Variants in COL25A1 observed in about 807,000 individuals in gnomAD.
The protein encoded by COL25A1 is collagen type XXV alpha 1 chain.
COL25A1 carries 103 observed loss-of-function variants against 128.4 expected under a neutral mutation model. The observed-to-expected ratio is 0.80, with a 90% CI of 0.68 to 0.94. COL25A1 has a LOEUF of 0.94. COL25A1 is among the 40% of genes least tolerant of loss of function. The pLI is 0.00. For missense variants in COL25A1, 745 were observed against 840.0 expected, an observed-to-expected ratio of 0.89 and a Z score of 1.40; for synonymous variants, 279 against 277.2, an observed-to-expected ratio of 1.01 and a Z score of -0.06.
intron 5 of COL25A1, among the ~76,000 whole-genome samples, chr4:109,042,318 A>ATATTCT (rs1291294940): frequency 6.6e-6 from 1 of 152,154 alleles, no homozygotes; most frequent in Non-Finnish European, 1.5e-5. Flanking sequence ...ATTCATAGTC[A>ATATTCT]TATTCTTTTT....
rs1444214391 is a variant in COL25A1, at chr4:108,852,794, A to C, written c.1344+108T>G. The C allele has an allele frequency of 4.9e-6, 4 of 815,222 alleles. No homozygotes were observed. The African/African-American group carries it at 7.0e-5, about 14-fold the overall frequency. 50.5% of individuals were successfully genotyped at this position (815,222 alleles called of 1,614,324 possible). On this transcript the variant is annotated intron_variant, in intron 25 of 37. Transcript: ENST00000399132. ...AGATTATTAATACAAGAAAACATAAAATTAAGTATCAGATAAAAACAATAG... is the reference window on the plus strand; with the variant it reads ...AGATTATTAATACAAGAAAACATAACATTAAGTATCAGATAAAAACAATAG...
chr4:109,186,918 T>A (rs1261637071), intron 3 of COL25A1, among the ~76,000 whole-genome samples: 1 of 152,164 alleles, frequency 6.6e-6, no homozygotes, highest in Non-Finnish European at 1.5e-5. Flanking sequence ...TTCATCTAAC[T>A]CACAAATTCA....
chr4:108,950,389 C>T (rs10030339), intron 8 of COL25A1, among the ~76,000 whole-genome samples: 6,596 of 152,108 alleles, frequency 0.043, 370 homozygotes, highest in African/African-American at 0.13. Context: ...TTGCAAAGGA[C>T]TCCCCTGCCT....
At chr4:109,026,344 A>T (rs932101148) in intron 5 of COL25A1, among the ~76,000 whole-genome samples, 9 of 152,196 alleles carry the variant, frequency 5.9e-5, no homozygotes, top group African/African-American at 2.2e-4. Context: ...AATTTCAAGA[A>T]GGCAAATTGA....
chr4:109,098,762 C>A (rs1765628901), intron 3 of COL25A1, among the ~76,000 whole-genome samples: 1 of 152,206 alleles, frequency 6.6e-6, no homozygotes, highest in Non-Finnish European at 1.5e-5. Context: ...AACAAAATGA[C>A]CCCTATTCCC....
intron 3 of COL25A1, among the ~76,000 whole-genome samples, chr4:109,110,431 A>G (rs897287848): frequency 5.9e-5 from 9 of 152,118 alleles, no homozygotes; most frequent in Admixed American, 4.6e-4. Context: ...CTCAAAGCTC[A>G]TGTCCTTTAC....
chr4:108,881,038 G>A (rs1323913845), intron 19 of COL25A1, among the ~76,000 whole-genome samples: 1 of 152,102 alleles, frequency 6.6e-6, no homozygotes, highest in Non-Finnish European at 1.5e-5. Flanking sequence ...AATTTTCCCA[G>A]TTGAACATCG....
intron 5 of COL25A1, among the ~76,000 whole-genome samples, chr4:109,046,165 G>A (rs993776350): frequency 7.2e-5 from 11 of 152,098 alleles, no homozygotes; most frequent in African/African-American, 2.7e-4. Context: ...CTGAACAATA[G>A]GAATGGTAAC....
At chr4:108,893,885 G>A (rs1177364635) in intron 16 of COL25A1, among the ~76,000 whole-genome samples, 4 of 152,166 alleles carry the variant, frequency 2.6e-5, no homozygotes, top group South Asian at 4.1e-4. Context: ...AATGCTACAG[G>A]TCGGATTACA....
intron 19 of COL25A1, 93 bp downstream of exon 19, chr4:108,884,085 T>C (rs1740462542): frequency 7.8e-7 from 1 of 1,281,942 alleles, no homozygotes; most frequent in African/African-American, 1.5e-5. Context: ...CAGCATTCTA[T>C]TTTTAGTTTC....
intron 3 of COL25A1, among the ~76,000 whole-genome samples, chr4:109,129,162 T>G (rs1768923776): frequency 6.6e-6 from 1 of 151,862 alleles, no homozygotes; most frequent in African/African-American, 2.4e-5. Context: ...AGAGTTTCAC[T>G]CTTGTTGCCC....
intron 8 of COL25A1, among the ~76,000 whole-genome samples, chr4:108,966,929 A>AAAGAAAAGAGAGAGG (rs1751368865): frequency 6.7e-6 from 1 of 148,584 alleles, no homozygotes; most frequent in African/African-American, 2.4e-5. Flanking sequence ...AGAGAAAAAG[A>AAAGAAAAGAGAGAGG]GAGAAAGAAA....
At chr4:108,954,030 G>A (rs1029918560) in intron 8 of COL25A1, among the ~76,000 whole-genome samples, 1 of 152,120 alleles carries the variant, frequency 6.6e-6, no homozygotes, top group Admixed American at 6.6e-5. Context: ...AAATATGATT[G>A]TTATACACTA....
chr4:109,014,954 C>T (rs185937679), intron 5 of COL25A1, among the ~76,000 whole-genome samples: 12 of 152,324 alleles, frequency 7.9e-5, no homozygotes, highest in Admixed American at 5.9e-4. Context: ...ATGTAACAAT[C>T]GACACCTAAA....
chr4:108,828,171 T>C (rs917099862), intron 32 of COL25A1, among the ~76,000 whole-genome samples: 2 of 152,192 alleles, frequency 1.3e-5, no homozygotes, highest in South Asian at 4.1e-4. Context: ...GACAGAGTCT[T>C]GCTCTGTTGC....
chr4:109,189,625 C>T (rs1775428994), intron 3 of COL25A1, among the ~76,000 whole-genome samples: 1 of 149,448 alleles, frequency 6.7e-6, no homozygotes, highest in Admixed American at 6.7e-5. Flanking sequence ...GAAGTTTGTG[C>T]TCGTATCAGC....
rs1750984821 is a variant in COL25A1 at position 108,963,694 on chromosome 4, A to C, written c.492+10673T>G. Among the ~76,000 whole-genome samples, 4 of 152,208 alleles carry C rather than the reference A, an allele frequency of 2.6e-5. No homozygotes were observed. In the South Asian group the frequency reaches 8.3e-4, roughly 32 times the overall value. ...GTTTCATGTTTGAGAGAGGATTATT[A>C]ATATATTACTTATCAAGGAAGTCTT... On this transcript the variant is annotated intron_variant, in intron 8 of 37. Transcript: ENST00000399132.
intron 13 of COL25A1, among the ~76,000 whole-genome samples, chr4:108,906,020 G>A (rs1336670184): frequency 1.3e-5 from 2 of 152,044 alleles, no homozygotes; most frequent in Non-Finnish European, 2.9e-5. Context: ...CTGACTCTAG[G>A]GACCAACTAA....
At chr4:108,814,038 T>C in intron 37 of COL25A1, 109 bp from the exon 38 acceptor site, 1 of 835,170 alleles carries the variant, frequency 1.2e-6, no homozygotes, top group Non-Finnish European at 2.0e-6. Context: ...GAATAGAGTC[T>C]ATAAGCCAAC....
Sources: allele counts gnomAD v4.1 joint callset (sites outside exome capture counted in the v4.1 genomes callset), GRCh38; gene constraint gnomAD v4.1.1; transcripts MANE v1.5; gene names NCBI Gene and HGNC (gene_info 2026-07-23, HGNC 2026-07-21).